Variants in RSU1 observed in about 807,000 individuals in gnomAD.
RSU1 encodes the protein rsu-1.
A neutral mutation model predicts 31.1 loss-of-function variants in RSU1; 26 were observed. The ratio of observed to expected loss-of-function variants is 0.84; its 90% CI spans 0.61 to 1.16. The LOEUF is 1.16. Ranked by LOEUF, RSU1 falls within the 50% of genes most tolerant of loss-of-function variation. The pLI, the probability that RSU1 is intolerant of heterozygous loss-of-function variation, is 0.00. For missense variants in RSU1, 320 were observed against 339.1 expected, an observed-to-expected ratio of 0.94 and a Z score of 0.44; for synonymous variants, 164 against 136.3, an observed-to-expected ratio of 1.20 and a Z score of -1.41.
Position 16,611,267 on chromosome 10 carries a change from C to A in RSU1, c.732-17771G>T, listed in dbSNP as rs74679084. ...CCTCTGGGCCCATTGCCAGGGAAGACGGGCTGCAGGGAAGTCTCCAGAATA... is the reference window on the plus strand; with the variant it reads ...CCTCTGGGCCCATTGCCAGGGAAGAAGGGCTGCAGGGAAGTCTCCAGAATA... On this transcript the variant is annotated intron_variant, in intron 8 of 8. Coordinates refer to ENST00000345264, the MANE Select transcript of RSU1 (RefSeq NM_012425.4). Among the ~76,000 whole-genome samples the A allele has an allele frequency of 7.3e-4, 111 of 152,272 alleles. 5 individuals carry two copies. The East Asian group carries it at 0.017, about 24-fold the overall frequency.
chr10:16,708,954 G>C (rs1368155308), intron 7 of RSU1, among the ~76,000 whole-genome samples: 2 of 144,700 alleles, frequency 1.4e-5, no homozygotes, highest in Non-Finnish European at 3.0e-5. Flanking sequence ...CATAACTACT[G>C]AATTCATTTA....
At chr10:16,699,334 C>A (rs916659404) in intron 7 of RSU1, among the ~76,000 whole-genome samples, 1 of 152,166 alleles carries the variant, frequency 6.6e-6, no homozygotes, top group Non-Finnish European at 1.5e-5. Flanking sequence ...TCACTCTGCA[C>A]CAGTTGGGGA....
chr10:16,672,686 CAG>C (rs1835132878), intron 8 of RSU1, among the ~76,000 whole-genome samples: 1 of 151,738 alleles, frequency 6.6e-6, no homozygotes, highest in African/African-American at 2.4e-5. Flanking sequence ...AACATACAGT[CAG>C]AAAGTAGGTC....
intron 8 of RSU1, among the ~76,000 whole-genome samples, chr10:16,676,116 C>A (rs985504664): frequency 1.3e-5 from 2 of 152,204 alleles, no homozygotes; most frequent in Non-Finnish European, 2.9e-5. Context: ...AGGTCATACC[C>A]TTTAATATGC....
At chr10:16,802,679 A>G (rs1178669025) in intron 2 of RSU1, among the ~76,000 whole-genome samples, 3 of 152,168 alleles carry the variant, frequency 2.0e-5, no homozygotes, top group Non-Finnish European at 2.9e-5. Context: ...AAATGTACTA[A>G]GAGTACACAC....
intron 2 of RSU1, among the ~76,000 whole-genome samples, chr10:16,790,222 G>A (rs1320417233): frequency 6.6e-6 from 1 of 152,182 alleles, no homozygotes; most frequent in African/African-American, 2.4e-5. Context: ...GATATTTACT[G>A]ATCACACTCA....
At chr10:16,601,782 G>C (rs1180071910) in intron 8 of RSU1, among the ~76,000 whole-genome samples, 1 of 152,192 alleles carries the variant, frequency 6.6e-6, no homozygotes, top group Admixed American at 6.5e-5. Flanking sequence ...GGTAAGGCTG[G>C]GCTTGAGGCA....
intron 7 of RSU1, among the ~76,000 whole-genome samples, chr10:16,697,662 A>T (rs1835705870): frequency 1.5e-5 from 2 of 131,436 alleles, no homozygotes; most frequent in Admixed American, 1.4e-4. Context: ...AGACTGTCTT[A>T]AAAAAAAAAA....
intron 7 of RSU1, among the ~76,000 whole-genome samples, chr10:16,746,026 C>T (rs1184157698): frequency 6.6e-6 from 1 of 152,160 alleles, no homozygotes; most frequent in East Asian, 1.9e-4. Context: ...TTAATGTCCA[C>T]AGGAAAAGGA....
At chr10:16,663,157 T>C in intron 8 of RSU1, among the ~76,000 whole-genome samples, 1 of 152,146 alleles carries the variant, frequency 6.6e-6, no homozygotes, top group East Asian at 1.9e-4. Flanking sequence ...GTATGCGCCA[T>C]GAGAGCCTGG....
At chr10:16,654,620 G>A (rs1324372270) in intron 8 of RSU1, among the ~76,000 whole-genome samples, 1 of 149,234 alleles carries the variant, frequency 6.7e-6, no homozygotes, top group Non-Finnish European at 1.5e-5. Flanking sequence ...CAGTGAGGCA[G>A]ACTGCACCAC....
intron 8 of RSU1, among the ~76,000 whole-genome samples, chr10:16,631,854 G>A (rs1358171237): frequency 6.6e-6 from 1 of 152,144 alleles, no homozygotes; most frequent in African/African-American, 2.4e-5. Flanking sequence ...CACAGAGGGG[G>A]CACCCCAGAA....
At chr10:16,715,969 A>G (rs1164741160) in intron 7 of RSU1, among the ~76,000 whole-genome samples, 1 of 152,240 alleles carries the variant, frequency 6.6e-6, no homozygotes, top group Non-Finnish European at 1.5e-5. Context: ...GCATTTCCCT[A>G]TTCAAGAGTC....
chr10:16,630,175 G>A (rs1179809632), intron 8 of RSU1, among the ~76,000 whole-genome samples: 2 of 151,794 alleles, frequency 1.3e-5, no homozygotes, highest in Non-Finnish European at 2.9e-5. Context: ...CAAAGTGCTG[G>A]GATTACAACA....
intron 2 of RSU1, among the ~76,000 whole-genome samples, chr10:16,815,009 C>T (rs1299248285): frequency 6.6e-6 from 1 of 152,256 alleles, no homozygotes; most frequent in Non-Finnish European, 1.5e-5. Flanking sequence ...AGAATGAGTG[C>T]TGTAGGGAGG....
At chr10:16,795,002 G>A (rs1452391490) in intron 2 of RSU1, among the ~76,000 whole-genome samples, 1 of 152,160 alleles carries the variant, frequency 6.6e-6, no homozygotes, top group Non-Finnish European at 1.5e-5. Flanking sequence ...TTTATGTAAT[G>A]ACCACTACAT....
At chr10:16,731,506 G>A (rs1836511641) in intron 7 of RSU1, among the ~76,000 whole-genome samples, 1 of 151,818 alleles carries the variant, frequency 6.6e-6, no homozygotes, top group Non-Finnish European at 1.5e-5. Flanking sequence ...ATTTCTTGAT[G>A]ATAGAATTCC....
At chr10:16,693,341 GGC>G (rs1835603157) in intron 8 of RSU1, among the ~76,000 whole-genome samples, 1 of 152,202 alleles carries the variant, frequency 6.6e-6, no homozygotes, top group Non-Finnish European at 1.5e-5. Flanking sequence ...CCAGGAGCAT[GGC>G]GCTCAGGCTG....
At chr10:16,614,454 T>TC (rs547752273) in intron 8 of RSU1, among the ~76,000 whole-genome samples, 79 of 150,852 alleles carry the variant, frequency 5.2e-4, no homozygotes, top group African/African-American at 1.8e-3. Context: ...GGCACTATAG[T>TC]CCCCCCACCA....
Sources: allele counts gnomAD v4.1 joint callset (sites outside exome capture counted in the v4.1 genomes callset), GRCh38; gene constraint gnomAD v4.1.1; transcripts MANE v1.5; gene names NCBI Gene and HGNC (gene_info 2026-07-23, HGNC 2026-07-21).